NLK: variants seen among roughly 807,000 people sequenced by gnomAD.
NLK encodes the protein serine/threonine-protein kinase NLK.
Under a neutral mutation model 59.0 loss-of-function variants are expected in NLK, and 11 were observed. The observed-to-expected ratio is 0.19, with a 90% CI of 0.12 to 0.31. NLK has a LOEUF of 0.31. Ranked by LOEUF, NLK falls within the 10% of genes least tolerant of loss-of-function variation. NLK has a pLI of 1.00. For synonymous variants in NLK, 235 were observed against 235.9 expected, an observed-to-expected ratio of 1.00 and a Z score of 0.03; for missense variants, 410 against 661.1, an observed-to-expected ratio of 0.62 and a Z score of 4.16.
intron 5 of NLK, 31 bp from the exon 6 acceptor site, chr17:28,168,417 T>C (rs190436474): frequency 6.8e-7 from 1 of 1,474,268 alleles, no homozygotes; most frequent in South Asian, 1.1e-5. Flanking sequence ...TGTATTTGCT[T>C]GATAATGTTT....
intron 1 of NLK, among the ~76,000 whole-genome samples, chr17:28,043,684 C>T (rs1431552013): frequency 6.6e-6 from 1 of 152,106 alleles, no homozygotes; most frequent in Non-Finnish European, 1.5e-5. Context: ...ATTCAGTGGC[C>T]CTGTGGCATT....
At chr17:28,202,710 G>A in the NLK span, among the ~76,000 whole-genome samples, 2 of 146,332 alleles carry the variant, frequency 1.4e-5, no homozygotes, top group South Asian at 2.1e-4. Flanking sequence ...TTTGAGACAG[G>A]CGCGCACTGT....
At chr17:28,045,497 C>T (rs1374661403) in intron 1 of NLK, among the ~76,000 whole-genome samples, 5 of 152,124 alleles carry the variant, frequency 3.3e-5, no homozygotes, top group Admixed American at 2.0e-4. Context: ...TGTGTTATCA[C>T]GTGATTCGGG....
chr17:28,203,623 G>A, the NLK span, among the ~76,000 whole-genome samples: 23 of 152,012 alleles, frequency 1.5e-4, no homozygotes, highest in Non-Finnish European at 2.6e-4. Context: ...TGCAACCTCC[G>A]CCTCCTGGGT....
chr17:28,109,319 G>T (rs1031874806), intron 1 of NLK, among the ~76,000 whole-genome samples: 2 of 151,992 alleles, frequency 1.3e-5, no homozygotes, highest in African/African-American at 4.8e-5. Context: ...ATCAGAATAG[G>T]GCCTACAATA....
chr17:28,090,529 A>G (rs1904449273), intron 1 of NLK, among the ~76,000 whole-genome samples: 1 of 151,800 alleles, frequency 6.6e-6, no homozygotes, highest in East Asian at 1.9e-4. Flanking sequence ...TTTTTTTTTA[A>G]TGTCTGAAAA....
chr17:28,085,146 C>T (rs541910068), intron 1 of NLK, among the ~76,000 whole-genome samples: 1 of 152,094 alleles, frequency 6.6e-6, no homozygotes, highest in East Asian at 1.9e-4. Context: ...TTCAAGTGCC[C>T]AAGATTTGTG....
At chr17:28,174,645 A>G (rs1180310708) in intron 7 of NLK, among the ~76,000 whole-genome samples, 1 of 152,232 alleles carries the variant, frequency 6.6e-6, no homozygotes, top group African/African-American at 2.4e-5. Context: ...TACCAACAAT[A>G]CATAATTGAA....
At chr17:28,192,307 CA>C in intron 10 of NLK, 94 bp downstream of exon 10, 1 of 706,474 alleles carries the variant, frequency 1.4e-6, no homozygotes. Flanking sequence ...ATTTAGATAA[CA>C]TAGATAAAAG....
chr17:28,124,927 T>C (rs1039284761), intron 2 of NLK, among the ~76,000 whole-genome samples: 13 of 152,032 alleles, frequency 8.6e-5, no homozygotes, highest in Non-Finnish European at 2.9e-5. Flanking sequence ...CACATGCCTA[T>C]AGTCCCAGCT....
intron 3 of NLK, among the ~76,000 whole-genome samples, chr17:28,142,453 T>C (rs1907043904): frequency 6.6e-6 from 1 of 152,214 alleles, no homozygotes; most frequent in African/African-American, 2.4e-5. Flanking sequence ...CACACCGATT[T>C]TTTTCTAGTT....
chr17:28,096,396 A>T (rs1426645152), intron 1 of NLK, among the ~76,000 whole-genome samples: 1 of 152,160 alleles, frequency 6.6e-6, no homozygotes, highest in Non-Finnish European at 1.5e-5. Context: ...AATTGTCGTT[A>T]TTGTGACTCA....
chr17:28,150,970 C>T (rs1478274542), intron 3 of NLK, among the ~76,000 whole-genome samples: 5 of 152,150 alleles, frequency 3.3e-5, no homozygotes, highest in East Asian at 1.9e-4. Flanking sequence ...CCAGTGGGTA[C>T]ACCAGCTGTT....
chr17:28,166,627 C>G (rs988351083), intron 5 of NLK, among the ~76,000 whole-genome samples: 5 of 152,220 alleles, frequency 3.3e-5, no homozygotes, highest in Admixed American at 6.5e-5. Context: ...ATGGCCATTA[C>G]TATCTGATCT....
chr17:28,086,729 C>A (rs1910529603), intron 1 of NLK, among the ~76,000 whole-genome samples: 1 of 151,758 alleles, frequency 6.6e-6, no homozygotes, highest in Non-Finnish European at 1.5e-5. Flanking sequence ...TGAGTCACAT[C>A]TCATTTAAAA....
chr17:28,199,293 G>A (rs908323977), downstream of NLK, among the ~76,000 whole-genome samples: 17 of 152,112 alleles, frequency 1.1e-4, no homozygotes, highest in Non-Finnish European at 1.5e-5. Context: ...AAAATGGTAT[G>A]CCAGTTCCTC....
chr17:28,099,568 CTT>C (rs945214545), intron 1 of NLK, among the ~76,000 whole-genome samples: 1 of 122,940 alleles, frequency 8.1e-6, no homozygotes, highest in Non-Finnish European at 1.7e-5. Context: ...TTGTGTTTGA[CTT>C]TTTTTTTTTT....
At chr17:28,189,084 C>T (rs1909223969) in intron 8 of NLK, among the ~76,000 whole-genome samples, 2 of 152,130 alleles carry the variant, frequency 1.3e-5, no homozygotes, top group South Asian at 4.2e-4. Flanking sequence ...AGTGACAGGT[C>T]ACCATCAAAA....
intron 1 of NLK, among the ~76,000 whole-genome samples, chr17:28,118,694 T>C (rs2142813815): frequency 6.6e-6 from 1 of 152,352 alleles, no homozygotes; most frequent in Non-Finnish European, 1.5e-5. Context: ...GTTATTGTAC[T>C]CTTTTGATCA....
Sources: allele counts gnomAD v4.1 joint callset (sites outside exome capture counted in the v4.1 genomes callset), GRCh38; gene constraint gnomAD v4.1.1; transcripts MANE v1.5; gene names NCBI Gene and HGNC (gene_info 2026-07-23, HGNC 2026-07-21).